Variants in VMP1 observed in about 807,000 individuals in gnomAD.
The protein encoded by VMP1 is ectopic P-granules autophagy protein 3 homolog.
A neutral mutation model predicts 56.0 loss-of-function variants in VMP1; 11 were observed. The observed-to-expected ratio is 0.20, with a 90% confidence interval of 0.12 to 0.32. The LOEUF is 0.32. VMP1 is among the 10% of genes least tolerant of loss of function. The probability of loss-of-function intolerance (pLI) is 1.00; values close to 1 mark genes in which losing one functional copy is unlikely to be tolerated. For missense variants in VMP1, 296 were observed against 490.3 expected, an observed-to-expected ratio of 0.60 and a Z score of 3.74; for synonymous variants, 149 against 165.0, an observed-to-expected ratio of 0.90 and a Z score of 0.74.
At chr17:59,828,398 T>G (rs1368451732) in intron 10 of VMP1, among the ~76,000 whole-genome samples, 1 of 152,192 alleles carries the variant, frequency 6.6e-6, no homozygotes, top group African/African-American at 2.4e-5. Flanking sequence ...ACAATGTACC[T>G]GATAAAATAC....
At chr17:59,839,592 G>T in intron 11 of VMP1, 176 bp from the exon 12 acceptor site, 1 of 701,918 alleles carries the variant, frequency 1.4e-6, no homozygotes, top group Middle Eastern at 4.2e-4. Context: ...AATCTTGATA[G>T]TTGGGTGTAA....
intron 10 of VMP1, among the ~76,000 whole-genome samples, chr17:59,831,146 CTTATTTA>C (rs2038793493): frequency 6.6e-6 from 1 of 152,098 alleles, no homozygotes; most frequent in South Asian, 2.1e-4. Flanking sequence ...TCAGATCTTA[CTTATTTA>C]TTATCTATCT....
chr17:59,791,297 T>G (rs2144121200), intron 7 of VMP1, among the ~76,000 whole-genome samples: 1 of 150,698 alleles, frequency 6.6e-6, no homozygotes, highest in African/African-American at 2.4e-5. Context: ...CAAACGATTC[T>G]CCTGCCTCAG....
chr17:59,739,465 C>T (rs575806467), intron 5 of VMP1, among the ~76,000 whole-genome samples: 42 of 151,306 alleles, frequency 2.8e-4, no homozygotes, highest in Middle Eastern at 3.5e-3. Context: ...TGGCTCACGC[C>T]TGTAATCCCA....
intron 4 of VMP1, among the ~76,000 whole-genome samples, 158 bp from the exon 5 acceptor site, chr17:59,738,679 G>A (rs1327124365): frequency 1.3e-5 from 2 of 152,024 alleles, no homozygotes; most frequent in African/African-American, 4.8e-5. Context: ...CTTTGCCATT[G>A]TGTATTAAAG....
chr17:59,711,381 A>G (rs1009986468), intron 1 of VMP1, among the ~76,000 whole-genome samples: 14 of 151,342 alleles, frequency 9.3e-5, no homozygotes, highest in African/African-American at 3.4e-4. Context: ...TTTTTGCCCA[A>G]GTGCCCTTGC....
chr17:59,721,686 C>A (rs141067191), intron 1 of VMP1, among the ~76,000 whole-genome samples: 2 of 152,028 alleles, frequency 1.3e-5, no homozygotes, highest in African/African-American at 4.8e-5. Flanking sequence ...GAAGATCACT[C>A]TGGGTAACAT....
At chr17:59,761,414 G>A (rs2036050262) in intron 5 of VMP1, among the ~76,000 whole-genome samples, 1 of 152,174 alleles carries the variant, frequency 6.6e-6, no homozygotes. Flanking sequence ...TTAAATTGTT[G>A]ATTGTATGGA....
chr17:59,838,604 A>C, intron 11 of VMP1: 1 of 562,290 alleles, frequency 1.8e-6, no homozygotes, highest in Non-Finnish European at 3.2e-6. Context: ...TTCTCCTAAA[A>C]ACAAGGGTAG....
intron 7 of VMP1, among the ~76,000 whole-genome samples, chr17:59,798,964 A>G (rs2037544885): frequency 6.6e-6 from 1 of 152,244 alleles, no homozygotes; most frequent in African/African-American, 2.4e-5. Flanking sequence ...TAATTTAATG[A>G]AACTGCCCTA....
At chr17:59,838,176 C>A in intron 10 of VMP1, 119 bp from the exon 11 acceptor site, 3 of 384,530 alleles carry the variant, frequency 7.8e-6, no homozygotes, top group East Asian at 5.2e-5. Flanking sequence ...TATTTTATTC[C>A]TCTTCCTATC....
At chr17:59,795,301 G>A (rs1366712557) in intron 7 of VMP1, among the ~76,000 whole-genome samples, 1 of 150,298 alleles carries the variant, frequency 6.7e-6, no homozygotes, top group Non-Finnish European at 1.5e-5. Context: ...GTAGAGATGG[G>A]GTATGGGGTT....
intron 10 of VMP1, among the ~76,000 whole-genome samples, chr17:59,824,013 C>T (rs889668305): frequency 3.9e-5 from 6 of 152,114 alleles, no homozygotes; most frequent in African/African-American, 1.2e-4. Flanking sequence ...CCTGTAATCC[C>T]GGCACTTTGG....
At chr17:59,756,659 G>A (rs1022427991) in intron 5 of VMP1, among the ~76,000 whole-genome samples, 3 of 152,154 alleles carry the variant, frequency 2.0e-5, no homozygotes, top group African/African-American at 7.2e-5. Flanking sequence ...TGTTTTGTCT[G>A]CTTGCCTTCC....
intron 7 of VMP1, among the ~76,000 whole-genome samples, chr17:59,794,995 CTTTTT>C (rs59397471): frequency 3.3e-5 from 4 of 121,202 alleles, no homozygotes; most frequent in Non-Finnish European, 4.9e-5. Flanking sequence ...CAGATTTGAT[CTTTTT>C]TTTTTTTTTT....
At position 59,839,986 on chromosome 17, in the gene VMP1, A is replaced by G; in HGVS notation, c.*75A>G. ...AAATTGGGAGGACTCCAAGCCGGGA[A>G]GGAAAATTCCCTTTTCCAACCTGTA... On this transcript the variant is annotated 3_prime_UTR_variant, in exon 12 of 12. Coordinates refer to ENST00000262291, the MANE Select transcript of VMP1 (RefSeq NM_030938.5). The G allele has an allele frequency of 6.4e-7, 1 of 1,563,064 alleles. No homozygotes were observed. The highest frequency in any genetic ancestry group is 8.6e-7 in the Non-Finnish European group (1 of 1,160,056).
intron 7 of VMP1, among the ~76,000 whole-genome samples, chr17:59,800,362 A>C (rs1044538224): frequency 5.9e-5 from 9 of 152,236 alleles, no homozygotes; most frequent in Admixed American, 1.3e-4. Context: ...ATGACAAGTC[A>C]TTCCATTTCT....
intron 10 of VMP1, among the ~76,000 whole-genome samples, chr17:59,827,505 C>T (rs1373712035): frequency 6.6e-6 from 1 of 151,824 alleles, no homozygotes; most frequent in Non-Finnish European, 1.5e-5. Context: ...TTACTAGAGT[C>T]GGGGTTTCAC....
chr17:59,718,322 A>G (rs748993009), intron 1 of VMP1, among the ~76,000 whole-genome samples: 1 of 147,204 alleles, frequency 6.8e-6, no homozygotes, highest in Non-Finnish European at 1.5e-5. Flanking sequence ...TCAGCCTCCC[A>G]AGTAGCTGGG....
Sources: allele counts gnomAD v4.1 joint callset (sites outside exome capture counted in the v4.1 genomes callset), GRCh38; gene constraint gnomAD v4.1.1; transcripts MANE v1.5; gene names NCBI Gene and HGNC (gene_info 2026-07-23, HGNC 2026-07-21).